Variants in INSR observed in about 807,000 individuals in gnomAD.
The protein encoded by INSR is insulin receptor.
INSR carries 67 observed loss-of-function variants against 142.6 expected under a neutral mutation model. That is an observed-to-expected ratio of 0.47 (90% CI 0.39 to 0.58). The LOEUF (loss-of-function observed/expected upper bound fraction) is 0.58, where lower values mean the gene tolerates loss of function less well. Ranked by LOEUF, INSR falls within the 20% of genes least tolerant of loss-of-function variation. The pLI is 0.00. For missense variants in INSR, 1,248 were observed against 1,833.2 expected, an observed-to-expected ratio of 0.68 and a Z score of 5.83; for synonymous variants, 756 against 743.1, an observed-to-expected ratio of 1.02 and a Z score of -0.28.
chr19:7,237,642 C>T (rs949891277), intron 2 of INSR, among the ~76,000 whole-genome samples: 4 of 151,890 alleles, frequency 2.6e-5, no homozygotes, highest in South Asian at 2.1e-4. Context: ...GGTGAAATCC[C>T]GTCTCTATTT....
chr19:7,234,418 G>C (rs1976093487), intron 2 of INSR, among the ~76,000 whole-genome samples: 1 of 152,110 alleles, frequency 6.6e-6, no homozygotes, highest in South Asian at 2.1e-4. Context: ...ATGTTGCCCA[G>C]GCTGGTCTTG....
In INSR at chr19:7,192,312, A is replaced by AAAAGAAAAG. The variant is rs1411887779; in HGVS notation, c.653-7676_653-7675insCTTTTCTTT. Among the ~76,000 whole-genome samples the AAAAGAAAAG allele has an allele frequency of 7.0e-6, 1 of 143,178 alleles. No homozygotes were observed. Among genetic ancestry groups the AAAAGAAAAG allele is most frequent in the Non-Finnish European group, 1.6e-5 (1 of 64,398 alleles). 93.9% of individuals were successfully genotyped at this position (143,178 alleles called of 152,430 possible). On this transcript the variant is annotated intron_variant, in intron 2 of 21. Coordinates refer to ENST00000302850, the MANE Select transcript of INSR (RefSeq NM_000208.4). This position sits in a 1 kb window ranked among gnomAD's most constrained non-coding sequence, Gnocchi z 4.2. ...GAAAAGAAAAGAAAAGAAAAGAAAA[A>AAAAGAAAAG]AATCACAGGCAGCCCAGGCTGGGGA...
At chr19:7,201,851 C>T (rs1352017607) in intron 2 of INSR, among the ~76,000 whole-genome samples, 5 of 151,794 alleles carry the variant, frequency 3.3e-5, no homozygotes, top group East Asian at 2.0e-4. Context: ...TTAGTAGAGA[C>T]GGGGTTTCAC....
In INSR at chr19:7,250,393, A is replaced by AAG. The variant is rs1568217914; in HGVS notation, c.652+16951_652+16952insCT. 2.2e-4 allele frequency among the ~76,000 whole-genome samples: 9 copies of AAG among 41,016 alleles called. No individual in the cohort carries two copies. The East Asian group carries it at 5.6e-3, about 25-fold the overall frequency. 26.9% of individuals were successfully genotyped at this position (41,016 alleles called of 152,430 possible). ...GAGGAGGGAGAGAGGAAGGGAGAGAAGGAAGGGAGGTAAGAAATAAAAAGA... is the reference window on the plus strand; with the variant it reads ...GAGGAGGGAGAGAGGAAGGGAGAGAAAGGGAAGGGAGGTAAGAAATAAAAAGA... On this transcript the variant is annotated intron_variant, in intron 2 of 21. Transcript: ENST00000302850.
In INSR at chr19:7,226,145, C is replaced by T. The variant is rs186342633; in HGVS notation, c.652+41200G>A. On this transcript the variant is annotated intron_variant, in intron 2 of 21. Coordinates refer to ENST00000302850, the MANE Select transcript of INSR (RefSeq NM_000208.4). ...AGGATCGGCCTAGTGTGGTGCCTCA[C>T]GCCTGTAATCCCAGCACTTTGGGAG... Among the ~76,000 whole-genome samples the T allele has an allele frequency of 4.5e-3, 684 of 152,306 alleles. 6 individuals carry two copies. Among genetic ancestry groups the T allele is most frequent in the African/African-American group, 0.016 (649 of 41,562 alleles).
chr19:7,218,060 C>T (rs1384479412), intron 2 of INSR, among the ~76,000 whole-genome samples: 1 of 152,122 alleles, frequency 6.6e-6, no homozygotes, highest in Non-Finnish European at 1.5e-5. Flanking sequence ...AGAAGAGTCC[C>T]TGCCTTGTGG....
chr19:7,221,474 G>A (rs936649014), intron 2 of INSR, among the ~76,000 whole-genome samples: 4 of 151,966 alleles, frequency 2.6e-5, no homozygotes, highest in East Asian at 1.9e-4. Flanking sequence ...TTGGGAGGCC[G>A]AGGCGGGCGG....
At chr19:7,259,918 T>C (rs1227536992) in intron 2 of INSR, among the ~76,000 whole-genome samples, 1 of 151,904 alleles carries the variant, frequency 6.6e-6, no homozygotes, top group African/African-American at 2.4e-5. Context: ...GTGGGGGGAT[T>C]CCTTAGAGTC....
At chr19:7,293,719 C>T (rs1378192667) in intron 1 of INSR, 73 bp downstream of exon 1, 14 of 1,212,926 alleles carry the variant, frequency 1.2e-5, no homozygotes, top group East Asian at 3.6e-5. Flanking sequence ...CAAGCGGGGG[C>T]TCGATTTTGG....
At chr19:7,204,274 C>T (rs1047720438) in intron 2 of INSR, among the ~76,000 whole-genome samples, 4 of 151,896 alleles carry the variant, frequency 2.6e-5, no homozygotes, top group Admixed American at 1.3e-4. Context: ...AGGCTGGTCT[C>T]GAACTCCTGA....
intron 17 of INSR, among the ~76,000 whole-genome samples, chr19:7,123,464 G>T (rs1329625493): frequency 6.6e-6 from 1 of 151,840 alleles, no homozygotes; most frequent in Non-Finnish European, 1.5e-5. Context: ...ACCCAGCCAG[G>T]CCTTTGTATT....
Position 7,184,477 on chromosome 19 carries a change from C to T in INSR, c.813G>A (p.Pro271=), listed in dbSNP as rs78970992. 1.2e-5 allele frequency: 19 copies of T among 1,613,836 alleles called. No homozygotes were observed. Among genetic ancestry groups the T allele is most frequent in the East Asian group, 1.1e-4 (5 of 44,882 alleles). The change falls in exon 3 of 22, where the codon CCG becomes CCA. Residue 271 remains proline, a synonymous_variant. Coordinates refer to ENST00000302850, the MANE Select transcript of INSR (RefSeq NM_000208.4). ...AGCGCCAGTCCTGGAAGTGGTAGTA[C>T]GGGGGCGGGCAGGTCTCCACACACC... ...DGRCVETCPP[P]YYHFQDWRCV...
chr19:7,233,980 C>T (rs1480888270), intron 2 of INSR, among the ~76,000 whole-genome samples: 1 of 151,984 alleles, frequency 6.6e-6, no homozygotes, highest in African/African-American at 2.4e-5. Context: ...AATCTCGGCT[C>T]ACTGCAACCT....
chr19:7,190,101 C>A (rs1211724389), intron 2 of INSR, among the ~76,000 whole-genome samples: 1 of 151,826 alleles, frequency 6.6e-6, no homozygotes, highest in Non-Finnish European at 1.5e-5. Context: ...AATCCCAGCA[C>A]TTTGGGAGGC....
intron 9 of INSR, among the ~76,000 whole-genome samples, chr19:7,153,494 A>ACACACACCACATACACACTTCACACACAC (rs1973505100): frequency 8.6e-6 from 1 of 116,540 alleles, no homozygotes; most frequent in African/African-American, 3.2e-5. Flanking sequence ...CGCACCACAC[A>ACACACACCACATACACACTTCACACACAC]CACACACAGT....
chr19:7,191,647 C>T (rs905507585), intron 2 of INSR, among the ~76,000 whole-genome samples: 1 of 151,674 alleles, frequency 6.6e-6, no homozygotes, highest in Non-Finnish European at 1.5e-5. Flanking sequence ...ATAGCCAGAC[C>T]CCTGTCTCTA....
At chr19:7,286,583 T>C (rs114336180) in intron 1 of INSR, among the ~76,000 whole-genome samples, 10 of 151,902 alleles carry the variant, frequency 6.6e-5, no homozygotes, top group African/African-American at 2.2e-4. Context: ...AGATAATGTC[T>C]CATTATGTTG....
At chr19:7,139,821 CTTTTTTTTTT>C (rs10673049) in intron 13 of INSR, among the ~76,000 whole-genome samples, 1 of 115,734 alleles carries the variant, frequency 8.6e-6, no homozygotes, top group Non-Finnish European at 1.7e-5. Flanking sequence ...GTTGCGTATT[CTTTTTTTTTT>C]TTTTTTTTTT....
chr19:7,225,790 G>A lies in INSR; in HGVS notation c.653-41153C>T, dbSNP rs951495601. On this transcript the variant is annotated intron_variant, in intron 2 of 21. Coordinates refer to ENST00000302850, the MANE Select transcript of INSR (RefSeq NM_000208.4). The surrounding 1 kb of genome is among the most constrained non-coding windows in gnomAD (Gnocchi z 4.7). Reference sequence around the variant, plus strand: ...GGTCCAGGGGTCCTCAAATGGAGGCGATTCTGCCCACCAGGAGACACCTGG... The same window carrying A: ...GGTCCAGGGGTCCTCAAATGGAGGCAATTCTGCCCACCAGGAGACACCTGG... 2.0e-5 allele frequency among the ~76,000 whole-genome samples: 3 copies of A among 152,010 alleles called. No individual in the cohort carries two copies. Among genetic ancestry groups the A allele is most frequent in the Non-Finnish European group, 2.9e-5 (2 of 68,014 alleles).
Sources: allele counts gnomAD v4.1 joint callset (sites outside exome capture counted in the v4.1 genomes callset), GRCh38; gene constraint gnomAD v4.1.1; non-coding constraint Gnocchi (gnomAD v3.1); transcripts MANE v1.5; gene names NCBI Gene and HGNC (gene_info 2026-07-23, HGNC 2026-07-21).